The following MCTP1 variants were observed in gnomAD, a reference collection of about 807,000 sequenced individuals.
MCTP1 encodes the protein multiple C2 and transmembrane domain-containing protein 1.
A neutral mutation model predicts 120.6 loss-of-function variants in MCTP1; 69 were observed. The ratio of observed to expected loss-of-function variants is 0.57; its 90% CI spans 0.47 to 0.70. The LOEUF is 0.70. MCTP1 is among the 30% of genes least tolerant of loss of function. The pLI is 0.00. For missense variants in MCTP1, 1,203 were observed against 1,248.8 expected, an observed-to-expected ratio of 0.96 and a Z score of 0.55; for synonymous variants, 529 against 493.1, an observed-to-expected ratio of 1.07 and a Z score of -0.96.
chr5:94,731,677 T>C (rs534349998), intron 19 of MCTP1, among the ~76,000 whole-genome samples: 2 of 152,328 alleles, frequency 1.3e-5, no homozygotes, highest in South Asian at 4.1e-4. Context: ...TTCTGGTTTG[T>C]GTGACTTTTT....
In MCTP1 at chr5:94,871,402, G is replaced by T; in HGVS notation, c.2052C>A (p.Ile684=). The change falls in exon 14 of 23, where the codon ATC becomes ATA. Residue 684 remains isoleucine, a synonymous_variant. Coordinates refer to ENST00000515393, the MANE Select transcript of MCTP1 (RefSeq NM_024717.7). ...NKVFTFNIKD[I]HSVLEVTVYD... is the part of the protein sequence containing the mutation. Reference sequence around the variant, plus strand: ...AAACTGTCACTTCAAGAACTGAATGGATATCTTTAATGTTGCTGCATAATA... The same window carrying T: ...AAACTGTCACTTCAAGAACTGAATGTATATCTTTAATGTTGCTGCATAATA... 1.2e-6 allele frequency: 2 copies of T among 1,607,388 alleles called. No individual in the cohort carries two copies. Among genetic ancestry groups the T allele is most frequent in the Non-Finnish European group, 1.7e-6 (2 of 1,174,332 alleles).
intron 1 of MCTP1, among the ~76,000 whole-genome samples, chr5:95,173,650 T>C (rs183503264): frequency 4.2e-4 from 64 of 152,320 alleles, no homozygotes; most frequent in African/African-American, 1.3e-3. Context: ...TACCAGAGTA[T>C]ATATTCACAC....
At chr5:95,094,904 C>T (rs998358426) in intron 1 of MCTP1, among the ~76,000 whole-genome samples, 1 of 151,410 alleles carries the variant, frequency 6.6e-6, no homozygotes, top group African/African-American at 2.4e-5. Context: ...CTCCTAAATG[C>T]CTCCTATAAT....
intron 2 of MCTP1, among the ~76,000 whole-genome samples, chr5:95,004,226 G>A (rs1306449899): frequency 6.6e-6 from 1 of 152,162 alleles, no homozygotes; most frequent in Non-Finnish European, 1.5e-5. Flanking sequence ...TCAAGATGTG[G>A]CCTGGCTGCT....
intron 12 of MCTP1, 48 bp from the exon 13 acceptor site, chr5:94,873,289 G>T: frequency 9.5e-7 from 1 of 1,051,090 alleles, no homozygotes. Flanking sequence ...AGCACCCACA[G>T]TTCACAGTGT....
At chr5:94,891,917 G>C (rs1561813306) in intron 11 of MCTP1, among the ~76,000 whole-genome samples, 1 of 152,132 alleles carries the variant, frequency 6.6e-6, no homozygotes, top group Non-Finnish European at 1.5e-5. Flanking sequence ...CCATAGCAGA[G>C]GAATCTATGA....
intron 1 of MCTP1, among the ~76,000 whole-genome samples, chr5:95,219,087 A>C (rs1210508737): frequency 6.6e-6 from 1 of 152,178 alleles, no homozygotes; most frequent in Non-Finnish European, 1.5e-5. Context: ...TAATGTAAAA[A>C]TTTCCTTTTA....
At chr5:94,988,004 T>G (rs977578) in intron 2 of MCTP1, among the ~76,000 whole-genome samples, 21,432 of 152,168 alleles carry the variant, frequency 0.14, 2,709 homozygotes, top group African/African-American at 0.34. Flanking sequence ...GTGACCATCA[T>G]ATAAATGGAT....
At chr5:94,751,771 A>G (rs569684328) in intron 19 of MCTP1, among the ~76,000 whole-genome samples, 1 of 152,154 alleles carries the variant, frequency 6.6e-6, no homozygotes, top group Non-Finnish European at 1.5e-5. Flanking sequence ...GGGGAGCTGA[A>G]TCACTTAATG....
At chr5:95,200,582 T>A (rs1314802544) in intron 1 of MCTP1, among the ~76,000 whole-genome samples, 1 of 152,104 alleles carries the variant, frequency 6.6e-6, no homozygotes, top group African/African-American at 2.4e-5. Context: ...TTGTATTAAG[T>A]GAAATAAGTC....
chr5:95,064,364 G>A (rs79167919), intron 1 of MCTP1, among the ~76,000 whole-genome samples: 6,062 of 152,260 alleles, frequency 0.04, 125 homozygotes, highest in African/African-American at 0.058. Flanking sequence ...GCTATGCAGT[G>A]CTGCCAGTTG....
chr5:94,839,736 G>C (rs1392231607), intron 17 of MCTP1, among the ~76,000 whole-genome samples: 1 of 152,170 alleles, frequency 6.6e-6, no homozygotes, highest in Admixed American at 6.5e-5. Flanking sequence ...TTTGAAGCCT[G>C]GCTCTGGCAC....
intron 12 of MCTP1, among the ~76,000 whole-genome samples, chr5:94,879,675 G>A (rs1447100906): frequency 6.6e-6 from 1 of 152,080 alleles, no homozygotes; most frequent in Non-Finnish European, 1.5e-5. Flanking sequence ...AGTAATCAAA[G>A]ATTATGTAGC....
chr5:94,788,364 A>G (rs1425707850), intron 18 of MCTP1, among the ~76,000 whole-genome samples: 1 of 152,210 alleles, frequency 6.6e-6, no homozygotes, highest in Non-Finnish European at 1.5e-5. Context: ...ATCTCATACA[A>G]CGCTTTAAAA....
intron 17 of MCTP1, among the ~76,000 whole-genome samples, chr5:94,806,115 T>A (rs763000797): frequency 4.0e-5 from 6 of 151,804 alleles, no homozygotes; most frequent in Non-Finnish European, 5.9e-5. Flanking sequence ...ATTTTATTCT[T>A]CCTTTTTTCC....
intron 1 of MCTP1, chr5:95,154,326 T>C (rs562720637): frequency 1.3e-5 from 2 of 152,296 alleles, no homozygotes; most frequent in South Asian, 4.1e-4. Flanking sequence ...CATGTAGCAA[T>C]ATGAAGTCTC....
intron 2 of MCTP1, among the ~76,000 whole-genome samples, chr5:94,962,652 A>G (rs560504942): frequency 1.3e-5 from 2 of 152,050 alleles, no homozygotes; most frequent in African/African-American, 2.4e-5. Flanking sequence ...GCTCTCACTC[A>G]TAAGTGGGAG....
intron 17 of MCTP1, among the ~76,000 whole-genome samples, chr5:94,838,063 C>T (rs1225159241): frequency 6.6e-6 from 1 of 152,182 alleles, no homozygotes; most frequent in Non-Finnish European, 1.5e-5. Flanking sequence ...TTTGATTTGG[C>T]TCTTAATTCA....
intron 19 of MCTP1, among the ~76,000 whole-genome samples, chr5:94,715,596 C>T (rs1465429674): frequency 2.6e-5 from 4 of 152,068 alleles, no homozygotes; most frequent in South Asian, 2.1e-4. Flanking sequence ...CTGGTGTGCT[C>T]CAGGTAATGG....
Sources: allele counts gnomAD v4.1 joint callset (sites outside exome capture counted in the v4.1 genomes callset), GRCh38; gene constraint gnomAD v4.1.1; transcripts MANE v1.5; gene names NCBI Gene and HGNC (gene_info 2026-07-23, HGNC 2026-07-21).